The following MYO16 variants were observed in gnomAD, a reference collection of about 807,000 sequenced individuals.
The protein encoded by MYO16 is myosin XVI.
A neutral mutation model predicts 205.3 loss-of-function variants in MYO16; 94 were observed. The observed-to-expected ratio is 0.46, with a 90% CI of 0.39 to 0.54. The LOEUF is 0.54. Among genes scored for constraint, MYO16 ranks in the 20% least tolerant of loss-of-function variants. The pLI, the probability that MYO16 is intolerant of heterozygous loss-of-function variation, is 0.00. For missense variants in MYO16, 2,315 were observed against 2,387.5 expected (o/e 0.97, Z 0.63); for synonymous variants, 988 against 954.0 (o/e 1.04, Z -0.66).
intron 12 of MYO16, among the ~76,000 whole-genome samples, chr13:108,867,428 G>A (rs1878776485): frequency 6.6e-6 from 1 of 152,080 alleles, no homozygotes; most frequent in Non-Finnish European, 1.5e-5. Flanking sequence ...CTTTAAAGCT[G>A]TGTTGAAACC....
chr13:108,579,371 C>T, the MYO16 span, among the ~76,000 whole-genome samples: 18 of 152,086 alleles, frequency 1.2e-4, no homozygotes, highest in Admixed American at 5.9e-4. Context: ...GAAGAGAAAT[C>T]CGTTTGAATG....
chr13:108,584,165 G>T, the MYO16 span, among the ~76,000 whole-genome samples: 1 of 152,076 alleles, frequency 6.6e-6, no homozygotes, highest in Admixed American at 6.6e-5. Flanking sequence ...GGGTTAGCCA[G>T]GATGGTCTCA....
intron 16 of MYO16, among the ~76,000 whole-genome samples, chr13:108,938,439 G>T (rs1485680485): frequency 6.6e-6 from 1 of 152,230 alleles, no homozygotes; most frequent in Admixed American, 6.5e-5. Context: ...CCACCCACAG[G>T]TCCCCTCTTG....
intron 21 of MYO16, among the ~76,000 whole-genome samples, chr13:108,999,413 A>C (rs1885141642): frequency 6.6e-6 from 1 of 152,166 alleles, no homozygotes; most frequent in South Asian, 2.1e-4. Context: ...AAATTTGAAC[A>C]AGGAAATGCA....
chr13:109,172,601 C>T (rs1039790786), intron 33 of MYO16, among the ~76,000 whole-genome samples: 3 of 152,110 alleles, frequency 2.0e-5, no homozygotes, highest in South Asian at 2.1e-4. Context: ...ATTAACTCCC[C>T]GACCATGGGC....
intron 28 of MYO16, among the ~76,000 whole-genome samples, chr13:109,108,829 G>C (rs1196697363): frequency 6.6e-6 from 1 of 152,134 alleles, no homozygotes; most frequent in East Asian, 1.9e-4. Flanking sequence ...AGGACCAAGG[G>C]GCCCAGGGTG....
chr13:109,137,061 T>C (rs1329822867), intron 31 of MYO16, among the ~76,000 whole-genome samples: 2 of 152,154 alleles, frequency 1.3e-5, no homozygotes, highest in Non-Finnish European at 2.9e-5. Context: ...GTCAATTACA[T>C]CTCTGGTGTC....
At chr13:108,703,490 T>G (rs930330498) in intron 2 of MYO16, among the ~76,000 whole-genome samples, 1 of 152,138 alleles carries the variant, frequency 6.6e-6, no homozygotes, top group Non-Finnish European at 1.5e-5. Context: ...TTCAGTACCT[T>G]TCACAGCAAT....
intron 20 of MYO16, among the ~76,000 whole-genome samples, chr13:108,972,356 A>ATAAATATATATATATAGCCATC (rs1566439846): frequency 4.7e-4 from 8 of 17,196 alleles, no homozygotes; most frequent in African/African-American, 3.0e-3. Context: ...ATAGCCATAT[A>ATAAATATATATATATAGCCATC]TATATATATA....
At chr13:108,797,947 G>T (rs1468559427) in intron 6 of MYO16, among the ~76,000 whole-genome samples, 1 of 152,136 alleles carries the variant, frequency 6.6e-6, no homozygotes, top group Non-Finnish European at 1.5e-5. Flanking sequence ...TACTTTCCTT[G>T]TGACCTTCTT....
intron 31 of MYO16, among the ~76,000 whole-genome samples, chr13:109,128,768 G>GTTTTTT (rs1172405612): frequency 1.7e-5 from 2 of 115,014 alleles, no homozygotes. Context: ...CACTTTTTTA[G>GTTTTTT]TTTTTTTTTT....
At chr13:108,721,035 C>T (rs972836398) in intron 3 of MYO16, among the ~76,000 whole-genome samples, 1 of 152,072 alleles carries the variant, frequency 6.6e-6, no homozygotes, top group Non-Finnish European at 1.5e-5. Context: ...TCGAAGTTCC[C>T]TTTGCTTGTC....
chr13:108,616,915 G>A lies in MYO16; in HGVS notation c.-39+20676G>A, dbSNP rs74429116. On this transcript the variant is annotated intron_variant, in intron 1 of 24. Coordinates refer to the MYO16 transcript ENST00000251041. Reference sequence around the variant, plus strand: ...GCTTGAAATTTCCTTTCATTCTGGGGCTTGAAACCTGCGAATGGCTCCTTC... The same window carrying A: ...GCTTGAAATTTCCTTTCATTCTGGGACTTGAAACCTGCGAATGGCTCCTTC... Among the ~76,000 whole-genome samples, 825 of 152,092 alleles carry A rather than the reference G, an allele frequency of 5.4e-3. 9 individuals carry two copies. The highest frequency in any genetic ancestry group is 0.019 in the African/African-American group (774 of 41,494).
chr13:108,843,791 CTTTG>C (rs1213985798), intron 9 of MYO16, among the ~76,000 whole-genome samples: 3 of 151,760 alleles, frequency 2.0e-5, no homozygotes, highest in African/African-American at 2.4e-5. Flanking sequence ...TATTTTTTGG[CTTTG>C]TTTGAGCTGT....
intron 28 of MYO16, among the ~76,000 whole-genome samples, chr13:109,107,590 A>G (rs1278292388): frequency 6.6e-6 from 1 of 152,054 alleles, no homozygotes; most frequent in African/African-American, 2.4e-5. Context: ...ACTTCTTATT[A>G]GTACGATAAA....
At chr13:108,750,294 G>C (rs1885191007) in intron 4 of MYO16, among the ~76,000 whole-genome samples, 1 of 152,192 alleles carries the variant, frequency 6.6e-6, no homozygotes, top group East Asian at 1.9e-4. Flanking sequence ...GGGATCCAAA[G>C]ATGGAATACA....
At chr13:108,559,713 G>A in the MYO16 span, among the ~76,000 whole-genome samples, 4 of 151,596 alleles carry the variant, frequency 2.6e-5, no homozygotes, top group Non-Finnish European at 5.9e-5. Context: ...CTCGTGATCC[G>A]CCCACCTCAG....
intron 6 of MYO16, among the ~76,000 whole-genome samples, chr13:108,804,293 G>C (rs79598900): frequency 6.6e-6 from 1 of 152,080 alleles, no homozygotes; most frequent in Non-Finnish European, 1.5e-5. Context: ...GTAATTTTTC[G>C]TGGGAACTGT....
intron 9 of MYO16, among the ~76,000 whole-genome samples, chr13:108,842,892 A>G (rs1877318916): frequency 6.6e-6 from 1 of 152,206 alleles, no homozygotes; most frequent in South Asian, 2.1e-4. Flanking sequence ...AAATTGTGGT[A>G]CATATCTACA....
Sources: gnomAD v4.1 joint callset for allele counts (sites outside exome capture counted in the v4.1 genomes callset) on GRCh38, gnomAD v4.1.1 for gene constraint, MANE v1.5 for transcripts, NCBI Gene and HGNC (gene_info 2026-07-23, HGNC 2026-07-21) for gene names.